APP: variants seen among roughly 807,000 people sequenced by gnomAD.
The protein encoded by APP is amyloid beta precursor protein, also known as amyloid-beta precursor protein.
A neutral mutation model predicts 101.4 loss-of-function variants in APP; 31 were observed. That is an observed-to-expected ratio of 0.31 (90% CI 0.23 to 0.41). The LOEUF is 0.41. Among genes scored for constraint, APP ranks in the 10% least tolerant of loss-of-function variants. APP has a pLI of 1.00. For missense variants in APP, 839 were observed against 1,003.7 expected (o/e 0.84, Z 2.22); for synonymous variants, 366 against 364.4 (o/e 1.00, Z -0.05).
chr21:26,142,765 T>C (rs1038797519), intron 1 of APP, among the ~76,000 whole-genome samples: 5 of 150,740 alleles, frequency 3.3e-5, no homozygotes, highest in Admixed American at 6.7e-5. Flanking sequence ...TGAGATCCTG[T>C]CTCAAAAAAA....
chr21:26,127,466 T>C (rs1366159305), intron 1 of APP, among the ~76,000 whole-genome samples: 1 of 152,200 alleles, frequency 6.6e-6, no homozygotes, highest in African/African-American at 2.4e-5. Context: ...AAAAGCCCTA[T>C]GAAAATATAT....
chr21:25,942,538 GCTT>G (rs1421559564), intron 13 of APP: 3 of 152,134 alleles, frequency 2.0e-5, no homozygotes, highest in African/African-American at 4.8e-5. Context: ...AATGGATACA[GCTT>G]CTTAACTGTT....
chr21:26,128,272 T>C (rs1292017073), intron 1 of APP, among the ~76,000 whole-genome samples: 3 of 152,200 alleles, frequency 2.0e-5, no homozygotes, highest in Admixed American at 1.3e-4. Context: ...TTTTAACTCA[T>C]GCAGTTTAAT....
intron 1 of APP, among the ~76,000 whole-genome samples, chr21:26,158,474 G>C (rs892838078): frequency 2.6e-5 from 4 of 152,138 alleles, no homozygotes. Context: ...AATGCTCCCA[G>C]CTAATAGAGC....
intron 2 of APP, among the ~76,000 whole-genome samples, chr21:26,097,507 G>A (rs931434714): frequency 9.6e-3 from 6 of 626 alleles, no homozygotes; most frequent in African/African-American, 0.041. Context: ...TTGGATTATG[G>A]GCTTTTGAGG....
chr21:25,956,903 T>TA (rs1415030655), intron 11 of APP, among the ~76,000 whole-genome samples: 1 of 152,178 alleles, frequency 6.6e-6, no homozygotes. Flanking sequence ...TTAATGTACC[T>TA]AACTCATTAA....
At chr21:26,037,164 TG>T (rs969090776) in intron 5 of APP, among the ~76,000 whole-genome samples, 4 of 152,084 alleles carry the variant, frequency 2.6e-5, no homozygotes, top group African/African-American at 9.6e-5. Flanking sequence ...AGCTAGAAAA[TG>T]TTGATTTCAT....
At chr21:25,960,165 G>T (rs748486015) in intron 11 of APP, among the ~76,000 whole-genome samples, 1 of 150,026 alleles carries the variant, frequency 6.7e-6, no homozygotes, top group Non-Finnish European at 1.5e-5. Context: ...CTACGTGTAA[G>T]TGTGCATTCA....
intron 15 of APP, among the ~76,000 whole-genome samples, chr21:25,902,631 G>T (rs1188607817): frequency 6.8e-6 from 1 of 146,154 alleles, no homozygotes; most frequent in African/African-American, 2.5e-5. Flanking sequence ...GCCAATCCAG[G>T]TGCCTCAAAT....
chr21:25,911,751 T>C lies in APP; in HGVS notation c.1899A>G (p.Thr633=). 1 of 1,614,154 alleles carries C rather than the reference T, an allele frequency of 6.2e-7. No homozygotes were observed. The highest frequency in any genetic ancestry group is 8.5e-7 in the Non-Finnish European group (1 of 1,180,022). ...SFGADSVPAN[T]ENEVEPVDAR... is the part of the protein sequence containing the mutation. ...TCAGGGGACTCTTACCTTCGTTTTC[T>C]GTGTTGGCTGGCACAGAGTCAGCCC... Residue 633 remains threonine, a synonymous_variant, in exon 14 of 18, where the codon ACA becomes ACG. Transcript: ENST00000346798.
At chr21:26,014,004 C>G (rs2043937618) in intron 6 of APP, among the ~76,000 whole-genome samples, 1 of 89,272 alleles carries the variant, frequency 1.1e-5, no homozygotes, top group Non-Finnish European at 2.2e-5. Flanking sequence ...ACATCATTAG[C>G]AAGCATGCTA....
intron 8 of APP, among the ~76,000 whole-genome samples, chr21:25,986,805 A>AT (rs1194922461): frequency 6.6e-6 from 1 of 152,248 alleles, no homozygotes; most frequent in African/African-American, 2.4e-5. Flanking sequence ...TGGCCAAATG[A>AT]TAACAGCCTC....
intron 6 of APP, among the ~76,000 whole-genome samples, chr21:26,017,841 T>C (rs1425167558): frequency 6.6e-6 from 1 of 152,200 alleles, no homozygotes; most frequent in Non-Finnish European, 1.5e-5. Flanking sequence ...CGGTAATGGC[T>C]TATTCCACTA....
intron 11 of APP, among the ~76,000 whole-genome samples, chr21:25,973,486 C>A (rs1336673222): frequency 2.0e-5 from 3 of 152,158 alleles, no homozygotes; most frequent in African/African-American, 7.2e-5. Flanking sequence ...AAGATCATTT[C>A]ATAAGAAGAG....
intron 1 of APP, among the ~76,000 whole-genome samples, chr21:26,122,456 C>G (rs956229714): frequency 1.1e-4 from 16 of 152,140 alleles, no homozygotes; most frequent in African/African-American, 3.9e-4. Context: ...GAGCAGCTAT[C>G]GGGGGATAAG....
chr21:25,992,131 G>T (rs899416487), intron 8 of APP, among the ~76,000 whole-genome samples: 1 of 152,168 alleles, frequency 6.6e-6, no homozygotes, highest in African/African-American at 2.4e-5. Context: ...ACGTGTAATC[G>T]AAGTACTTCG....
intron 3 of APP, among the ~76,000 whole-genome samples, chr21:26,065,259 C>T (rs948321134): frequency 3.9e-5 from 6 of 152,220 alleles, no homozygotes; most frequent in African/African-American, 1.4e-4. Flanking sequence ...GTGCATCTAC[C>T]ATACATAGAG....
chr21:25,976,604 TGCCAACCTAA>T (rs1272463674), intron 9 of APP, among the ~76,000 whole-genome samples: 1 of 152,234 alleles, frequency 6.6e-6, no homozygotes, highest in African/African-American at 2.4e-5. Flanking sequence ...CCTTTGAGCT[TGCCAACCTAA>T]GTCATGAACA....
Position 25,906,687 on chromosome 21 carries a change from CA to C in APP, c.1910-1611del, listed in dbSNP as rs750566321. Among the ~76,000 whole-genome samples, 365 of 152,202 alleles carry C rather than the reference CA, an allele frequency of 2.4e-3. 1 individual carries two copies. The highest frequency in any genetic ancestry group is 2.5e-3 in the Non-Finnish European group (171 of 68,028). The stretch of plus-strand genomic sequence containing the variant: ...ACTTCATTTTTTTTCCTATTTGCAG[CA>C]ACCTGTAATGAGTAACTGTATTACT... On this transcript the variant is annotated intron_variant, in intron 14 of 17. Transcript: ENST00000346798.
Sources: allele counts gnomAD v4.1 joint callset (sites outside exome capture counted in the v4.1 genomes callset), GRCh38; gene constraint gnomAD v4.1.1; transcripts MANE v1.5; gene names NCBI Gene and HGNC (gene_info 2026-07-23, HGNC 2026-07-21).